Variants in ASAP1 observed in about 807,000 individuals in gnomAD.
The protein encoded by ASAP1 is arf-GAP with SH3 domain, ANK repeat and PH domain-containing protein 1.
ASAP1 carries 43 observed loss-of-function variants against 145.2 expected under a neutral mutation model. The observed-to-expected ratio is 0.30, with a 90% confidence interval of 0.23 to 0.38. The LOEUF (loss-of-function observed/expected upper bound fraction) is 0.38. Among genes scored for constraint, ASAP1 ranks in the 10% least tolerant of loss-of-function variants. The pLI is 1.00. For missense variants in ASAP1, 1,018 were observed against 1,355.3 expected, an observed-to-expected ratio of 0.75 and a Z score of 3.91; for synonymous variants, 546 against 515.5, an observed-to-expected ratio of 1.06 and a Z score of -0.80.
intron 1 of ASAP1, among the ~76,000 whole-genome samples, chr8:130,419,188 C>T (rs114453362): frequency 0.027 from 4,121 of 152,260 alleles, 64 homozygotes; most frequent in Middle Eastern, 0.044. Flanking sequence ...AAGGACACGG[C>T]GCTATGGGTT....
intron 3 of ASAP1, among the ~76,000 whole-genome samples, chr8:130,338,374 A>G (rs920069881): frequency 3.9e-5 from 6 of 152,200 alleles, no homozygotes; most frequent in African/African-American, 1.4e-4. Flanking sequence ...ATACTCAATA[A>G]AAATTAGCTG....
intron 2 of ASAP1, among the ~76,000 whole-genome samples, chr8:130,385,826 C>T (rs1827986967): frequency 6.6e-6 from 1 of 152,186 alleles, no homozygotes; most frequent in Admixed American, 6.5e-5. Flanking sequence ...TTTTACTTCC[C>T]GAGCACCCAG....
intron 24 of ASAP1, among the ~76,000 whole-genome samples, chr8:130,095,688 G>A (rs1273086425): frequency 2.0e-5 from 3 of 150,074 alleles, no homozygotes; most frequent in South Asian, 4.2e-4. Context: ...GTGTAATCTC[G>A]GCTCACTGCA....
At chr8:130,392,815 G>C (rs1828345003) in intron 2 of ASAP1, among the ~76,000 whole-genome samples, 1 of 152,026 alleles carries the variant, frequency 6.6e-6, no homozygotes, top group Admixed American at 6.6e-5. Context: ...GGAGGGGCTG[G>C]GATCTTTTAA....
At chr8:130,260,699 G>T (rs923087561) in intron 3 of ASAP1, among the ~76,000 whole-genome samples, 1 of 152,032 alleles carries the variant, frequency 6.6e-6, no homozygotes, top group African/African-American at 2.4e-5. Context: ...AGCCTCAAAA[G>T]CATGGATCAA....
At chr8:130,139,218 G>C (rs1213700497) in intron 13 of ASAP1, among the ~76,000 whole-genome samples, 1 of 152,106 alleles carries the variant, frequency 6.6e-6, no homozygotes, top group Non-Finnish European at 1.5e-5. Flanking sequence ...GGAAAGCTAG[G>C]GGGTGACTTA....
chr8:130,431,444 C>A (rs544884963), intron 1 of ASAP1, among the ~76,000 whole-genome samples: 3 of 152,362 alleles, frequency 2.0e-5, no homozygotes, highest in African/African-American at 7.2e-5. Context: ...TAACGAACCA[C>A]TTGTAATTTC....
chr8:130,257,324 T>C (rs1438151796), intron 3 of ASAP1, among the ~76,000 whole-genome samples: 1 of 152,156 alleles, frequency 6.6e-6, no homozygotes, highest in Admixed American at 6.5e-5. Context: ...GTTCCCCCAA[T>C]ATCCAATGAC....
At chr8:130,280,047 T>A (rs1249388303) in intron 3 of ASAP1, among the ~76,000 whole-genome samples, 1 of 152,202 alleles carries the variant, frequency 6.6e-6, no homozygotes, top group African/African-American at 2.4e-5. Context: ...CTTATTTTAT[T>A]TGGTCATCAA....
At position 130,401,889 on chromosome 8, in the gene ASAP1, T is replaced by C; in HGVS notation, c.55A>G (p.Asn19Asp). Residue 19 changes from asparagine (N) to aspartate (D), a missense_variant, in exon 2 of 30, where the codon AAT becomes GAT. Physicochemically the swap from Asn to Asp is conservative, Grantham distance 23. This residue lies in a region of ASAP1 where 106 missense variants were observed against 134.5 expected (regional missense o/e 0.79). Coordinates refer to ENST00000518721, the MANE Select transcript of ASAP1 (RefSeq NM_018482.4). Reference protein sequence around the residue: ...SSFSSRDSLWNRMPDQISVSE... With the variant: ...SSFSSRDSLWDRMPDQISVSE... Reference sequence around the variant, plus strand: ...GATGGGCTAGAGATCACTCACCGATTCCATAGTGAATCTCTCGACGAAAAA... The same window carrying C: ...GATGGGCTAGAGATCACTCACCGATCCCATAGTGAATCTCTCGACGAAAAA... 1 of 1,613,652 alleles carries C rather than the reference T, an allele frequency of 6.2e-7. No homozygotes were observed.
chr8:130,376,162 C>T (rs1827481395), intron 2 of ASAP1, among the ~76,000 whole-genome samples: 1 of 152,234 alleles, frequency 6.6e-6, no homozygotes, highest in Non-Finnish European at 1.5e-5. Context: ...TATTCTGATA[C>T]TTTCCATTTG....
At chr8:130,121,741 ATC>A (rs2097566328) in intron 18 of ASAP1, among the ~76,000 whole-genome samples, 1 of 138,920 alleles carries the variant, frequency 7.2e-6, no homozygotes, top group Non-Finnish European at 1.5e-5. Context: ...CAAAGATCGC[ATC>A]ACTGCACTCC....
intron 24 of ASAP1, among the ~76,000 whole-genome samples, chr8:130,098,858 A>G (rs1357552767): frequency 6.6e-6 from 1 of 152,118 alleles, no homozygotes; most frequent in Non-Finnish European, 1.5e-5. Flanking sequence ...GTCACTCTAC[A>G]GTGTTACAGA....
At chr8:130,075,667 G>A (rs2097460727) in intron 27 of ASAP1, among the ~76,000 whole-genome samples, 1 of 152,198 alleles carries the variant, frequency 6.6e-6, no homozygotes, top group Non-Finnish European at 1.5e-5. Flanking sequence ...AACAAAAAAG[G>A]CATAACTATC....
intron 29 of ASAP1, among the ~76,000 whole-genome samples, chr8:130,056,252 G>T (rs1208718075): frequency 6.6e-6 from 1 of 152,220 alleles, no homozygotes; most frequent in East Asian, 1.9e-4. Context: ...CACGTGGGGG[G>T]GCTTCAGAGC....
intron 1 of ASAP1, among the ~76,000 whole-genome samples, chr8:130,427,360 C>A (rs959809880): frequency 2.0e-5 from 3 of 152,166 alleles, no homozygotes; most frequent in Non-Finnish European, 2.9e-5. Flanking sequence ...CTATGAAATG[C>A]AAGCCCTTCC....
At chr8:130,193,373 A>C (rs1815270965) in intron 5 of ASAP1, among the ~76,000 whole-genome samples, 1 of 152,042 alleles carries the variant, frequency 6.6e-6, no homozygotes, top group African/African-American at 2.4e-5. Context: ...CATCTAAAAA[A>C]AAAACCCCAA....
intron 3 of ASAP1, among the ~76,000 whole-genome samples, chr8:130,251,785 C>T (rs1434084472): frequency 6.6e-6 from 1 of 152,096 alleles, no homozygotes; most frequent in African/African-American, 2.4e-5. Context: ...CAAGTAATTT[C>T]AATTGCACTG....
chr8:130,085,373 T>C (rs967582300), intron 25 of ASAP1, among the ~76,000 whole-genome samples: 2 of 152,214 alleles, frequency 1.3e-5, no homozygotes, highest in Non-Finnish European at 2.9e-5. Context: ...TATTCTCCCT[T>C]TGTCCTCATT....
Sources: allele counts gnomAD v4.1 joint callset (sites outside exome capture counted in the v4.1 genomes callset), GRCh38; gene constraint gnomAD v4.1.1; regional missense constraint gnomAD v4.1.1; transcripts MANE v1.5; gene names NCBI Gene and HGNC (gene_info 2026-07-23, HGNC 2026-07-21).